SEPTIN8: variants seen among roughly 807,000 people sequenced by gnomAD.
SEPTIN8 encodes septin-8.
Under a neutral mutation model 53.1 loss-of-function variants are expected in SEPTIN8, and 22 were observed. The observed-to-expected ratio is 0.41, with a 90% CI of 0.30 to 0.59. SEPTIN8 has a LOEUF of 0.59. Ranked by LOEUF, SEPTIN8 falls within the 20% of genes least tolerant of loss-of-function variation. SEPTIN8 has a pLI of 0.24. For synonymous variants in SEPTIN8, 228 were observed against 248.4 expected, an observed-to-expected ratio of 0.92 and a Z score of 0.77; for missense variants, 536 against 638.7, an observed-to-expected ratio of 0.84 and a Z score of 1.73.
chr5:132,770,018 T>TATAC (rs1757059028), intron 1 of SEPTIN8, among the ~76,000 whole-genome samples: 1 of 56,176 alleles, frequency 1.8e-5, no homozygotes, highest in Non-Finnish European at 3.1e-5. Context: ...TATATATATA[T>TATAC]ATATACACAC....
chr5:132,758,842 AAC>A, intron 9 of SEPTIN8: 1 of 1,609,126 alleles, frequency 6.2e-7, no homozygotes, highest in Non-Finnish European at 8.5e-7. Context: ...ATAAAAATAA[AAC>A]AAACAAAACA....
At chr5:132,778,135 A>G, upstream of SEPTIN8, 5 of 943,948 alleles carry the variant, frequency 5.3e-6, no homozygotes, top group Non-Finnish European at 6.3e-6. Context: ...CTGACAATCT[A>G]TACAAAAGCA....
chr5:132,770,641 G>A (rs972149231), intron 1 of SEPTIN8, among the ~76,000 whole-genome samples: 6 of 152,184 alleles, frequency 3.9e-5, no homozygotes, highest in East Asian at 1.9e-4. Context: ...TGAGCTGGAC[G>A]GACCCTGCAG....
intron 9 of SEPTIN8, 156 bp from the exon 10 acceptor site, chr5:132,752,337 G>C (rs1754919605): frequency 9.6e-7 from 1 of 1,039,772 alleles, no homozygotes; most frequent in East Asian, 2.6e-5. Flanking sequence ...CTGCCCAAAG[G>C]CTAGGCTTTC....
At chr5:132,754,119 T>A in intron 9 of SEPTIN8, 1 of 362,768 alleles carries the variant, frequency 2.8e-6, no homozygotes, top group Non-Finnish European at 5.1e-6. Context: ...TTGACACACT[T>A]TTGCTTGTTG....
chr5:132,770,022 T>TATATATAC (rs1757064919), intron 1 of SEPTIN8, among the ~76,000 whole-genome samples: 1 of 35,006 alleles, frequency 2.9e-5, no homozygotes, highest in African/African-American at 9.9e-5. Flanking sequence ...TATATATATA[T>TATATATAC]ACACACACAT....
Position 132,761,913 on chromosome 5 carries a change from G to C in SEPTIN8, c.697-17C>G. The C allele has an allele frequency of 6.4e-7, 1 of 1,563,440 alleles. No individual in the cohort carries two copies. The highest frequency in any genetic ancestry group is 8.7e-7 in the Non-Finnish European group (1 of 1,153,240). On this transcript the variant is annotated splice_polypyrimidine_tract_variant and intron_variant, in intron 5 of 9. Coordinates refer to ENST00000378719, the MANE Select transcript of SEPTIN8 (RefSeq NM_001098811.2). The surrounding 1 kb of genome is among the most constrained non-coding windows in gnomAD (Gnocchi z 5.8). ...CAGATGTGCCTGGAAAGGGGCCCGG[G>C]TATGCGTAAGCCCTGAGCTGACACA...
upstream of SEPTIN8, among the ~76,000 whole-genome samples, chr5:132,779,352 G>A (rs79272689): frequency 0.011 from 1,634 of 152,306 alleles, 34 homozygotes; most frequent in African/African-American, 0.034. Context: ...TGGTCTCACC[G>A]TCAAATAACT....
intron 1 of SEPTIN8, among the ~76,000 whole-genome samples, chr5:132,769,696 G>A (rs1418530574): frequency 6.6e-6 from 1 of 151,904 alleles, no homozygotes; most frequent in African/African-American, 2.4e-5. Context: ...AGACCACACT[G>A]CTCAGGAGAG....
rs993397766 is a variant in SEPTIN8 at position 132,760,793 on chromosome 5, G to A, written c.1286+9C>T. 1 of 1,611,702 alleles carries A rather than the reference G, an allele frequency of 6.2e-7. No homozygotes were observed. On this transcript the variant is annotated intron_variant, in intron 9 of 9. Coordinates refer to ENST00000378719, the MANE Select transcript of SEPTIN8 (RefSeq NM_001098811.2). This position sits in a 1 kb window ranked among gnomAD's most constrained non-coding sequence, Gnocchi z 5.2. ...AGAGGAGCCAGCGCAGGCGCAGCCT[G>A]CCACCTACTTCTTCTTGTCCTTGTC...
chr5:132,757,068 A>C (rs1755407596), intron 9 of SEPTIN8: 1 of 985,288 alleles, frequency 1.0e-6, no homozygotes, highest in Non-Finnish European at 1.2e-6. Flanking sequence ...AGATACCCTC[A>C]CTGAAGCATC....
chr5:132,767,514 T>G (rs1258150329), intron 1 of SEPTIN8, among the ~76,000 whole-genome samples: 1 of 152,198 alleles, frequency 6.6e-6, no homozygotes, highest in Non-Finnish European at 1.5e-5. Context: ...TTAATGCATC[T>G]TGATTCTCCA....
At position 132,764,219 on chromosome 5, in the gene SEPTIN8, C is replaced by T; in HGVS notation, c.347+5G>A. ...CTGGGTGGGGCCGCCCTTCCCGCCT[C>T]TTGCCTCTCATCCTTATTGATCTGA... is the stretch of plus-strand genomic sequence containing the variant. On this transcript the variant is annotated splice_donor_5th_base_variant and intron_variant, in intron 3 of 9. Transcript: ENST00000378719. 1 of 1,608,536 alleles carries T rather than the reference C, an allele frequency of 6.2e-7. No individual in the cohort carries two copies. Among genetic ancestry groups the T allele is most frequent in the Non-Finnish European group, 8.5e-7 (1 of 1,176,562 alleles).
rs1039359993 is a variant in SEPTIN8, at chr5:132,751,448, T to C, written c.*568A>G. The C allele has an allele frequency of 1.1e-5, 2 of 181,964 alleles. No homozygotes were observed. Among genetic ancestry groups the C allele is most frequent in the African/African-American group, 4.8e-5 (2 of 41,926 alleles). The allele number at this position is 181,964 out of a possible 1,614,324, so 11.3% of individuals were successfully genotyped here. ...AAAAATATCATACATTAGTTTGTATTTGTTTTAGTTGGGGGAATGATGGTC... is the reference window on the plus strand; with the variant it reads ...AAAAATATCATACATTAGTTTGTATCTGTTTTAGTTGGGGGAATGATGGTC... On this transcript the variant is annotated 3_prime_UTR_variant, in exon 10 of 10. Transcript: ENST00000378719.
In SEPTIN8 at chr5:132,761,987, A is replaced by G; in HGVS notation, c.697-91T>C. 1.8e-6 allele frequency: 2 copies of G among 1,126,848 alleles called. No individual in the cohort carries two copies. Among genetic ancestry groups the G allele is most frequent in the Middle Eastern group, 2.0e-4 (1 of 5,016 alleles). 69.8% of individuals were successfully genotyped at this position (1,126,848 alleles called of 1,614,324 possible). A position where few individuals can be genotyped will look rare whatever the true frequency, so the allele number is the denominator to read the frequency against. On this transcript the variant is annotated intron_variant, in intron 5 of 9. Transcript: ENST00000378719. The surrounding 1 kb of genome is among the most constrained non-coding windows in gnomAD (Gnocchi z 5.8). ...CTGCCCCTGGGTCCTAGGGAGGGGC[A>G]GCCAGACCTGAACAAAGGCTCCAGG...
At chr5:132,754,536 G>C (rs1245183830) in intron 9 of SEPTIN8, 1 of 717,474 alleles carries the variant, frequency 1.4e-6, no homozygotes. Context: ...AGAAAGCAGA[G>C]GGTAGACATG....
rs1054280132 is a variant in SEPTIN8, at chr5:132,760,554, A to T, written c.1286+248T>A. Reference sequence around the variant, plus strand: ...GAGAAGGGAGAGGGAGGGGGAGCACAAGATTGCCTGTGCAAGTGAGACTGC... The same window carrying T: ...GAGAAGGGAGAGGGAGGGGGAGCACTAGATTGCCTGTGCAAGTGAGACTGC... On this transcript the variant is annotated intron_variant, in intron 9 of 9. Coordinates refer to ENST00000378719, the MANE Select transcript of SEPTIN8 (RefSeq NM_001098811.2). The surrounding 1 kb of genome is among the most constrained non-coding windows in gnomAD (Gnocchi z 5.2). Among the ~76,000 whole-genome samples, 1 of 152,164 alleles carries T rather than the reference A, an allele frequency of 6.6e-6. No homozygotes were observed. Among genetic ancestry groups the T allele is most frequent in the Admixed American group, 6.5e-5 (1 of 15,274 alleles).
intron 9 of SEPTIN8, among the ~76,000 whole-genome samples, chr5:132,755,286 C>T (rs1489685375): frequency 6.6e-6 from 1 of 152,158 alleles, no homozygotes; most frequent in Non-Finnish European, 1.5e-5. Context: ...TTCTTTTCAC[C>T]AGTCTGCTCT....
chr5:132,769,944 G>A (rs1032545352), intron 1 of SEPTIN8, among the ~76,000 whole-genome samples: 3 of 135,270 alleles, frequency 2.2e-5, no homozygotes, highest in East Asian at 2.1e-4. Context: ...AAATCTTCCC[G>A]TTTTTAAAGA....
Sources: allele counts gnomAD v4.1 joint callset (sites outside exome capture counted in the v4.1 genomes callset), GRCh38; gene constraint gnomAD v4.1.1; non-coding constraint Gnocchi (gnomAD v3.1); transcripts MANE v1.5; gene names NCBI Gene and HGNC (gene_info 2026-07-23, HGNC 2026-07-21).